The following FHAD1 variants were observed in gnomAD, a reference collection of about 807,000 sequenced individuals.
FHAD1 encodes forkhead-associated domain-containing protein 1.
A neutral mutation model predicts 191.3 loss-of-function variants in FHAD1; 146 were observed. The ratio of observed to expected loss-of-function variants is 0.76; its 90% CI spans 0.67 to 0.88. FHAD1 has a LOEUF of 0.88. FHAD1 is among the 40% of genes least tolerant of loss of function. The pLI is 0.00. For missense variants in FHAD1, 1,635 were observed against 1,785.8 expected (o/e 0.92, Z 1.52); for synonymous variants, 616 against 672.3 (o/e 0.92, Z 1.29).
At position 15,367,496 on chromosome 1, in the gene FHAD1, A is replaced by T; in HGVS notation, c.3188A>T (p.Glu1063Val). Residue 1063 changes from glutamate (E) to valine (V), a missense_variant, in exon 25 of 34, where the codon GAG becomes GTG. Coordinates refer to ENST00000688493, the MANE Select transcript of FHAD1 (RefSeq NM_001391957.1). ...ELNEKQKMEL[E>V]QNVVLVQQQS... is the part of the protein sequence containing the mutation. ...AACGAGAAGCAGAAGATGGAACTGG[A>T]GCAGAACGTGGTGCTGGTCCAGCAG... The T allele has an allele frequency of 6.4e-7, 1 of 1,551,420 alleles. No homozygotes were observed. Among genetic ancestry groups the T allele is most frequent in the Non-Finnish European group, 8.7e-7 (1 of 1,146,932 alleles).
chr1:15,392,637 C>A (rs376033279), intron 33 of FHAD1, among the ~76,000 whole-genome samples: 1 of 152,182 alleles, frequency 6.6e-6, no homozygotes, highest in African/African-American at 2.4e-5. Flanking sequence ...TCATGACCAC[C>A]CTGAGGAAGA....
At chr1:15,273,610 C>T (rs761212444) in intron 3 of FHAD1, among the ~76,000 whole-genome samples, 6 of 152,172 alleles carry the variant, frequency 3.9e-5, no homozygotes, top group Non-Finnish European at 8.8e-5. Flanking sequence ...GGGGTGCAGC[C>T]ATCACCACAA....
At chr1:15,378,889 C>T (rs1006828832) in intron 28 of FHAD1, among the ~76,000 whole-genome samples, 2 of 152,046 alleles carry the variant, frequency 1.3e-5, no homozygotes, top group African/African-American at 2.4e-5. Context: ...GGGGGTTGTC[C>T]GTGGCCTCCA....
At chr1:15,374,406 T>C in intron 26 of FHAD1, 96 bp from the exon 27 acceptor site, 1 of 1,445,058 alleles carries the variant, frequency 6.9e-7, no homozygotes, top group Non-Finnish European at 9.3e-7. Flanking sequence ...GCTAAGTGAC[T>C]GGGTTCCTCT....
At position 15,328,383 on chromosome 1, in the gene FHAD1, C is replaced by T. The variant is rs1679756387; in HGVS notation, c.1664C>T (p.Thr555Ile). 5 of 1,545,668 alleles carry T rather than the reference C, an allele frequency of 3.2e-6. No homozygotes were observed. The highest frequency in any genetic ancestry group is 4.4e-6 in the Non-Finnish European group (5 of 1,144,902). Residue 555 changes from threonine to isoleucine, a missense_variant, in exon 13 of 34, where the codon ACC becomes ATC. Physicochemically the swap from Thr to Ile is moderately conservative, Grantham distance 89. Transcript: ENST00000688493. ...CTGAGCAACTCCAAGCAGGAGGAGA[C>T]CACCGAGAACATCGAGAAGCTGAGG... ...TQLSNSKQEE[T>I]TENIEKLRTS...
chr1:15,250,905 G>A (rs1646689022), intron 1 of FHAD1, among the ~76,000 whole-genome samples: 1 of 152,112 alleles, frequency 6.6e-6, no homozygotes, highest in Non-Finnish European at 1.5e-5. Context: ...AGTTTGAGAA[G>A]CCCAGGTTAA....
intron 14 of FHAD1, among the ~76,000 whole-genome samples, chr1:15,336,292 G>A (rs766669173): frequency 5.9e-5 from 9 of 152,078 alleles, no homozygotes; most frequent in East Asian, 5.8e-4. Flanking sequence ...GCACTGGCAC[G>A]CACCAGGTCT....
chr1:15,294,876 G>C (rs558997733), intron 4 of FHAD1, among the ~76,000 whole-genome samples: 1 of 152,044 alleles, frequency 6.6e-6, no homozygotes, highest in South Asian at 2.1e-4. Flanking sequence ...CCTTCTCCTC[G>C]AACAGGCAGT....
At chr1:15,317,961 G>A in intron 10 of FHAD1, 33 bp downstream of exon 10, 1 of 1,374,668 alleles carries the variant, frequency 7.3e-7, no homozygotes, top group African/African-American at 1.4e-5. Flanking sequence ...AGAGAGTGGT[G>A]TGGGCGGTAG....
rs1283546721 is a variant in FHAD1, at chr1:15,369,467, C to A, written c.3412C>A (p.Pro1138Thr). The change falls in exon 26 of 34, where the codon CCC becomes ACC. Residue 1138 changes from proline (P) to threonine (T), a missense_variant. Coordinates refer to ENST00000688493, the MANE Select transcript of FHAD1 (RefSeq NM_001391957.1). ...GTGTGACACCTCTGTGCAGATAGAA[C>A]CCGTCCACACTGAGGCCTTCTCCAG... ...QTCDTSVQIEPVHTEAFSSSQ... is the reference protein window; with the variant it reads ...QTCDTSVQIETVHTEAFSSSQ... The A allele has an allele frequency of 9.0e-6, 14 of 1,551,598 alleles. No homozygotes were observed. The highest frequency in any genetic ancestry group is 1.2e-5 in the Non-Finnish European group (14 of 1,147,014).
chr1:15,367,904 G>A (rs1696971237), intron 25 of FHAD1, among the ~76,000 whole-genome samples: 2 of 152,126 alleles, frequency 1.3e-5, no homozygotes, highest in Non-Finnish European at 2.9e-5. Context: ...CTCAGCCCCT[G>A]CACTCTGTCT....
rs984768614 is a variant in FHAD1 at position 15,285,658 on chromosome 1, G to A, written c.301-3741G>A. Among the ~76,000 whole-genome samples, 9 of 152,252 alleles carry A rather than the reference G, an allele frequency of 5.9e-5. No homozygotes were observed. The South Asian group carries it at 1.0e-3, about 18-fold the overall frequency. On this transcript the variant is annotated intron_variant, in intron 3 of 33. Coordinates refer to ENST00000688493, the MANE Select transcript of FHAD1 (RefSeq NM_001391957.1). The stretch of plus-strand genomic sequence containing the variant: ...TTAGAGACCCTCTCATTAGCACTGT[G>A]GGGGCTACAAGTGACAAAACCAGCT...
chr1:15,260,403 A>G (rs986205222), intron 2 of FHAD1, among the ~76,000 whole-genome samples: 1 of 152,176 alleles, frequency 6.6e-6, no homozygotes, highest in South Asian at 2.1e-4. Flanking sequence ...TATAACAATG[A>G]GTGTTTATTA....
rs139996321 is a variant in FHAD1, at chr1:15,396,425, AATG to A, written c.4324-867_4324-865del. 7.8e-3 allele frequency among the ~76,000 whole-genome samples: 1,181 copies of A among 152,304 alleles called. 16 individuals carry two copies. The highest frequency in any genetic ancestry group is 0.026 in the African/African-American group (1,097 of 41,556). On this transcript the variant is annotated intron_variant, in intron 33 of 33. Coordinates refer to ENST00000688493, the MANE Select transcript of FHAD1 (RefSeq NM_001391957.1). ...AAAGCTCATCTTTGAGTAACGTGAT[AATG>A]ATGAATCATTTTATCTCTTTTGTGC...
At chr1:15,238,384 G>T (rs1274580462) in intron 1 of FHAD1, among the ~76,000 whole-genome samples, 10 of 152,110 alleles carry the variant, frequency 6.6e-5, no homozygotes, top group Non-Finnish European at 1.5e-5. Context: ...CAACAGGGAG[G>T]CCTGCTGTTG....
intron 16 of FHAD1, among the ~76,000 whole-genome samples, chr1:15,343,455 C>T (rs1687615797): frequency 6.6e-6 from 1 of 151,832 alleles, no homozygotes; most frequent in Non-Finnish European, 1.5e-5. Context: ...GCCCCCTTCT[C>T]CATCTTTCCC....
chr1:15,391,287 G>T, intron 33 of FHAD1, 24 bp downstream of exon 33: 4 of 1,273,940 alleles, frequency 3.1e-6, no homozygotes, highest in Non-Finnish European at 4.1e-6. Flanking sequence ...GCATCCTTTA[G>T]AATTCTCTTT....
rs559502160 is a variant in FHAD1 at position 15,327,134 on chromosome 1, G to A, written c.1549G>A (p.Asp517Asn). 29 of 1,550,740 alleles carry A rather than the reference G, an allele frequency of 1.9e-5. No individual in the cohort carries two copies. The highest frequency in any genetic ancestry group is 7.3e-5 in the East Asian group (3 of 40,886). Residue 517 changes from aspartate (D) to asparagine (N), a missense_variant, in exon 12 of 34, where the codon GAC becomes AAC. Physicochemically the swap from Asp to Asn is conservative, Grantham distance 23. Transcript: ENST00000688493. The surrounding 1 kb of genome is among the most constrained non-coding windows in gnomAD (Gnocchi z 5.1). ...AKPFRDKPVT[D>N]QQLIEKITQV... ...GCCGTTCCGGGACAAGCCCGTCACC[G>A]ACCAACAGGTTAGTCTGCCGTCCCT...
chr1:15,313,908 T>C (rs1397878224), intron 8 of FHAD1, among the ~76,000 whole-genome samples: 2 of 151,310 alleles, frequency 1.3e-5, no homozygotes, highest in African/African-American at 2.4e-5. Context: ...CTGTCTCTGC[T>C]AAAAATAACA....
Sources: allele counts gnomAD v4.1 joint callset (sites outside exome capture counted in the v4.1 genomes callset), GRCh38; gene constraint gnomAD v4.1.1; non-coding constraint Gnocchi (gnomAD v3.1); transcripts MANE v1.5; gene names NCBI Gene and HGNC (gene_info 2026-07-23, HGNC 2026-07-21).